Variants in NPHP4 observed in about 807,000 individuals in gnomAD.
NPHP4 encodes nephrocystin-4.
Under a neutral mutation model 155.8 loss-of-function variants are expected in NPHP4, and 151 were observed. The observed-to-expected ratio is 0.97, with a 90% CI of 0.85 to 1.11. The LOEUF is 1.11. Ranked by LOEUF, NPHP4 falls within the 50% of genes least tolerant of loss-of-function variation. The probability of loss-of-function intolerance (pLI) is 0.00; values close to 1 mark genes in which losing one functional copy is unlikely to be tolerated. For missense variants in NPHP4, 1,956 were observed against 1,925.7 expected (o/e 1.02, Z -0.29); for synonymous variants, 845 against 816.8 (o/e 1.03, Z -0.59).
chr1:5,906,778 T>C (rs974673087), intron 13 of NPHP4, among the ~76,000 whole-genome samples: 4 of 152,224 alleles, frequency 2.6e-5, no homozygotes, highest in Non-Finnish European at 4.4e-5. Flanking sequence ...TGGGTGCCTG[T>C]CTCAGCCTGT....
At chr1:5,972,836 C>G (rs2102299073) in intron 3 of NPHP4, among the ~76,000 whole-genome samples, 1 of 152,136 alleles carries the variant, frequency 6.6e-6, no homozygotes, top group East Asian at 1.9e-4. Context: ...ACGGTGCACC[C>G]ATCACCCGAG....
intron 1 of NPHP4, among the ~76,000 whole-genome samples, chr1:5,990,956 T>C (rs1212258873): frequency 1.3e-5 from 2 of 152,120 alleles, no homozygotes; most frequent in Admixed American, 1.3e-4. Flanking sequence ...CTGTCAAATG[T>C]GCTGTCTTCA....
chr1:5,910,476 T>C lies in NPHP4; in HGVS notation c.1442-1263A>G, dbSNP rs1441338012. Among the ~76,000 whole-genome samples, 1 of 152,116 alleles carries C rather than the reference T, an allele frequency of 6.6e-6. No homozygotes were observed. Among genetic ancestry groups the C allele is most frequent in the Non-Finnish European group, 1.5e-5 (1 of 68,004 alleles). On this transcript the variant is annotated intron_variant, in intron 11 of 29. Transcript: ENST00000378156. This position sits in a 1 kb window ranked among gnomAD's most constrained non-coding sequence, Gnocchi z 5.4. Reference sequence around the variant, plus strand: ...CAGCTCGCCTTCCCTCCCTCTCCTGTGGCCTCTGCTGCCATGAAGGTTGGG... The same window carrying C: ...CAGCTCGCCTTCCCTCCCTCTCCTGCGGCCTCTGCTGCCATGAAGGTTGGG...
intron 3 of NPHP4, among the ~76,000 whole-genome samples, chr1:5,972,343 G>A (rs1652722973): frequency 1.0e-5 from 1 of 96,682 alleles, no homozygotes; most frequent in African/African-American, 4.4e-5. Context: ...CTCAAAGACA[G>A]CAGGGATCGG....
At chr1:5,967,728 G>A (rs1032670554) in intron 4 of NPHP4, among the ~76,000 whole-genome samples, 57 of 152,130 alleles carry the variant, frequency 3.7e-4, no homozygotes, top group African/African-American at 1.3e-3. Context: ...GCTCCCTAAG[G>A]CACATTTGGC....
intron 18 of NPHP4, among the ~76,000 whole-genome samples, chr1:5,884,371 C>G (rs969889450): frequency 2.0e-5 from 3 of 152,182 alleles, no homozygotes; most frequent in Non-Finnish European, 2.9e-5. Context: ...GCCATCTGTC[C>G]TGACGCCTGC....
chr1:5,985,218 G>A (rs187838948), intron 2 of NPHP4, among the ~76,000 whole-genome samples: 107 of 152,366 alleles, frequency 7.0e-4, no homozygotes, highest in African/African-American at 2.5e-3. Flanking sequence ...CAGCTGCAGA[G>A]GAAAACGGCC....
Position 5,947,874 on chromosome 1 carries a change from GA to G in NPHP4, c.992+195del, listed in dbSNP as rs147579829. ...CCCCCAAATTGTCAGAGCACAAAAG[GA>G]AAAAAAAAGGGGGGGGCTTTTTCCA... is the stretch of plus-strand genomic sequence containing the variant. On this transcript the variant is annotated intron_variant, in intron 8 of 29. Coordinates refer to ENST00000378156, the MANE Select transcript of NPHP4 (RefSeq NM_015102.5). Among the ~76,000 whole-genome samples the G allele has an allele frequency of 0.07, 10,377 of 149,186 alleles. 653 individuals carry two copies. Among genetic ancestry groups the G allele is most frequent in the African/African-American group, 0.18 (7,169 of 40,878 alleles).
At chr1:5,866,319 GC>G (rs1186348828) in intron 26 of NPHP4, 53 bp downstream of exon 26, 1 of 1,189,466 alleles carries the variant, frequency 8.4e-7, no homozygotes, top group African/African-American at 1.5e-5. Context: ...CCCCAGGCCT[GC>G]CTCCTCCTCT....
At chr1:5,941,103 G>A (rs1261294998) in intron 9 of NPHP4, among the ~76,000 whole-genome samples, 1 of 152,010 alleles carries the variant, frequency 6.6e-6, no homozygotes, top group African/African-American at 2.4e-5. Context: ...AACAGACAGG[G>A]CAGCCCATGA....
intron 5 of NPHP4, 120 bp from the exon 6 acceptor site, chr1:5,962,069 G>T (rs1650436814): frequency 1.5e-6 from 1 of 673,404 alleles, no homozygotes; most frequent in Non-Finnish European, 2.5e-6. Flanking sequence ...CTTTTCTAGG[G>T]AGAGTGAAGT....
At chr1:5,897,292 T>C (rs1260758386) in intron 16 of NPHP4, among the ~76,000 whole-genome samples, 1 of 152,142 alleles carries the variant, frequency 6.6e-6, no homozygotes, top group African/African-American at 2.4e-5. Context: ...GATATTTGCA[T>C]GAAGCCAAAA....
rs1005992662 is a variant in NPHP4 at position 5,864,887 on chromosome 1, C to G, written c.3816+215G>C. On this transcript the variant is annotated intron_variant, in intron 27 of 29. Transcript: ENST00000378156. Reference sequence around the variant, plus strand: ...TTCACCTTGCCAGGAATTCTGAACACCGGCCTTTGGGGTTGGTGTGTACGT... The same window carrying G: ...TTCACCTTGCCAGGAATTCTGAACAGCGGCCTTTGGGGTTGGTGTGTACGT... 7.0e-6 allele frequency: 4 copies of G among 568,978 alleles called. No individual in the cohort carries two copies. In the East Asian group the frequency reaches 1.1e-4, roughly 16 times the overall value. 35.2% of individuals were successfully genotyped at this position (568,978 alleles called of 1,614,324 possible). A position where few individuals can be genotyped will look rare whatever the true frequency, so the allele number is the denominator to read the frequency against.
intron 2 of NPHP4, 66 bp downstream of exon 2, chr1:5,986,088 TG>T (rs1447569705): frequency 4.5e-6 from 7 of 1,562,662 alleles, no homozygotes; most frequent in Non-Finnish European, 6.2e-6. Flanking sequence ...ACCATCCATC[TG>T]TTAACTGGAA....
rs1258087808 is a variant in NPHP4, at chr1:5,880,120, A to G, written c.2605T>C (p.Ser869Pro). ...CCCAACAGTGTAAACTCACGCCTTGAGCTTCCAGTCGTGAGGAGGCTGCCT... is the reference window on the plus strand; with the variant it reads ...CCCAACAGTGTAAACTCACGCCTTGGGCTTCCAGTCGTGAGGAGGCTGCCT... ...SGGSLLTTGS[S>P]RRKHVVQAQK... The change falls in exon 19 of 30, where the codon TCA becomes CCA. Residue 869 changes from serine (S) to proline (P), a missense_variant. Ser to Pro is a moderately conservative substitution (Grantham distance 74). Transcript: ENST00000378156. 6.2e-7 allele frequency: 1 copy of G among 1,613,608 alleles called. No individual in the cohort carries two copies. Among genetic ancestry groups the G allele is most frequent in the East Asian group, 2.2e-5 (1 of 44,886 alleles).
intron 3 of NPHP4, among the ~76,000 whole-genome samples, chr1:5,975,862 G>A (rs1294908798): frequency 6.6e-6 from 1 of 152,216 alleles, no homozygotes; most frequent in Non-Finnish European, 1.5e-5. Flanking sequence ...GTCCTACCAT[G>A]TGACTGGAAT....
At chr1:5,901,994 A>G (rs1644705954) in intron 16 of NPHP4, among the ~76,000 whole-genome samples, 1 of 152,152 alleles carries the variant, frequency 6.6e-6, no homozygotes, top group African/African-American at 2.4e-5. Flanking sequence ...CCATAAACGT[A>G]ATGATGAAGG....
intron 1 of NPHP4, among the ~76,000 whole-genome samples, chr1:5,990,380 T>A (rs1299270972): frequency 6.8e-6 from 1 of 147,912 alleles, no homozygotes; most frequent in Non-Finnish European, 1.5e-5. Flanking sequence ...AAATCAACAA[T>A]AAAAGAGAAA....
At chr1:5,988,262 A>G (rs984975540) in intron 1 of NPHP4, among the ~76,000 whole-genome samples, 2 of 152,248 alleles carry the variant, frequency 1.3e-5, no homozygotes, top group African/African-American at 4.8e-5. Context: ...AAGAATATCC[A>G]CAATGACCCA....
Sources: allele counts gnomAD v4.1 joint callset (sites outside exome capture counted in the v4.1 genomes callset), GRCh38; gene constraint gnomAD v4.1.1; non-coding constraint Gnocchi (gnomAD v3.1); transcripts MANE v1.5; gene names NCBI Gene and HGNC (gene_info 2026-07-23, HGNC 2026-07-21).